Variants in MAGI2 observed in about 807,000 individuals in gnomAD.
MAGI2 encodes membrane associated guanylate kinase, WW and PDZ domain containing 2.
Under a neutral mutation model 133.3 loss-of-function variants are expected in MAGI2, and 35 were observed. The observed-to-expected ratio is 0.26, with a 90% confidence interval of 0.20 to 0.35. The LOEUF (loss-of-function observed/expected upper bound fraction) is 0.35. Among genes scored for constraint, MAGI2 ranks in the 10% least tolerant of loss-of-function variants. The pLI is 1.00. For synonymous variants in MAGI2, 729 were observed against 710.6 expected (o/e 1.03, Z -0.41); for missense variants, 1,636 against 1,863.4 (o/e 0.88, Z 2.25).
At chr7:79,008,566 C>T (rs1214927221) in intron 1 of MAGI2, among the ~76,000 whole-genome samples, 1 of 152,048 alleles carries the variant, frequency 6.6e-6, no homozygotes, top group African/African-American at 2.4e-5. Context: ...TATTTTTCCA[C>T]CCAATATAAT....
At chr7:78,226,311 A>G (rs1174709491) in intron 10 of MAGI2, among the ~76,000 whole-genome samples, 2 of 105,286 alleles carry the variant, frequency 1.9e-5, no homozygotes, top group Non-Finnish European at 4.1e-5. Context: ...CAGAAAGTAT[A>G]CAAATGTTTA....
chr7:78,384,895 A>AATTTGCAG (rs1460093747), intron 6 of MAGI2, among the ~76,000 whole-genome samples: 1 of 152,134 alleles, frequency 6.6e-6, no homozygotes, highest in Non-Finnish European at 1.5e-5. Flanking sequence ...TGCTCACTAA[A>AATTTGCAG]ATTTGCAGAT....
At chr7:78,329,393 T>C (rs957570441) in intron 9 of MAGI2, among the ~76,000 whole-genome samples, 1 of 152,218 alleles carries the variant, frequency 6.6e-6, no homozygotes, top group African/African-American at 2.4e-5. Flanking sequence ...AGCTAAGATC[T>C]ATGACTTAGC....
chr7:79,402,893 T>C (rs563324674), intron 1 of MAGI2, among the ~76,000 whole-genome samples: 30 of 152,336 alleles, frequency 2.0e-4, no homozygotes, highest in African/African-American at 6.5e-4. Flanking sequence ...AAGAATGGCT[T>C]GTTCAAACTT....
intron 6 of MAGI2, among the ~76,000 whole-genome samples, chr7:78,426,691 G>A (rs1347409138): frequency 1.3e-5 from 2 of 152,074 alleles, no homozygotes; most frequent in Non-Finnish European, 2.9e-5. Context: ...TACCACATAT[G>A]TAATTGAAAT....
Position 78,657,347 on chromosome 7 carries a change from C to T in MAGI2, c.419-30108G>A, listed in dbSNP as rs1812414167. On this transcript the variant is annotated intron_variant, in intron 2 of 21. Coordinates refer to ENST00000354212, the MANE Select transcript of MAGI2 (RefSeq NM_012301.4). ...GATATTTATCCAAAGGAGCTGAAAACATGTCCACACAAAAACCTGCATGTG... is the reference window on the plus strand; with the variant it reads ...GATATTTATCCAAAGGAGCTGAAAATATGTCCACACAAAAACCTGCATGTG... Among the ~76,000 whole-genome samples the T allele has an allele frequency of 2.0e-5, 3 of 152,166 alleles. No homozygotes were observed. The South Asian group carries it at 6.2e-4, about 32-fold the overall frequency.
At chr7:79,368,424 T>C (rs1842857935) in intron 1 of MAGI2, among the ~76,000 whole-genome samples, 2 of 152,110 alleles carry the variant, frequency 1.3e-5, no homozygotes, top group East Asian at 1.9e-4. Flanking sequence ...AATCAAGTCC[T>C]TTGCAACATG....
At position 78,312,017 on chromosome 7, in the gene MAGI2, G is replaced by A. The variant is rs10808152; in HGVS notation, c.1408+31761C>T. 1.1e-4 allele frequency among the ~76,000 whole-genome samples: 17 copies of A among 151,870 alleles called. No homozygotes were observed. In the East Asian group the frequency reaches 3.1e-3, roughly 28 times the overall value. ...AATTCCTGACCTCAAGTGATCTGCC[G>A]GCCGGCCTCCCAAAGTGCTGGGATT... On this transcript the variant is annotated intron_variant, in intron 9 of 21. Transcript: ENST00000354212.
intron 3 of MAGI2, among the ~76,000 whole-genome samples, chr7:78,606,195 A>G (rs1229691034): frequency 1.3e-5 from 2 of 152,176 alleles, no homozygotes; most frequent in Non-Finnish European, 2.9e-5. Flanking sequence ...TCATGTGCTC[A>G]GTTGAATTTT....
chr7:78,447,081 T>G (rs1788220594), intron 6 of MAGI2, among the ~76,000 whole-genome samples: 1 of 152,094 alleles, frequency 6.6e-6, no homozygotes, highest in Non-Finnish European at 1.5e-5. Flanking sequence ...AGAGACTATC[T>G]GTATATTCAA....
intron 1 of MAGI2, among the ~76,000 whole-genome samples, chr7:79,345,877 T>C (rs1305005459): frequency 6.6e-6 from 1 of 152,038 alleles, no homozygotes; most frequent in East Asian, 1.9e-4. Context: ...AAATCACCCC[T>C]TATCCATTAT....
At chr7:78,108,712 GTA>G (rs1285081844) in intron 20 of MAGI2, among the ~76,000 whole-genome samples, 1 of 117,016 alleles carries the variant, frequency 8.5e-6, no homozygotes, top group Admixed American at 9.0e-5. Flanking sequence ...ATATGTGAGT[GTA>G]TATATGTGTG....
intron 1 of MAGI2, among the ~76,000 whole-genome samples, chr7:79,389,870 G>A (rs1844470621): frequency 6.6e-6 from 1 of 152,102 alleles, no homozygotes; most frequent in East Asian, 1.9e-4. Flanking sequence ...CAATAGCTTA[G>A]AGAAGTTGAC....
At chr7:78,102,739 T>C (rs1213532963) in intron 20 of MAGI2, among the ~76,000 whole-genome samples, 2 of 152,216 alleles carry the variant, frequency 1.3e-5, no homozygotes, top group African/African-American at 4.8e-5. Flanking sequence ...CCTAACAATA[T>C]TACTTTTTAC....
chr7:78,970,536 CAG>C (rs2115967678), intron 2 of MAGI2, among the ~76,000 whole-genome samples: 1 of 152,076 alleles, frequency 6.6e-6, no homozygotes, highest in African/African-American at 2.4e-5. Context: ...ATAGAGCAAA[CAG>C]AAATTAGCAA....
chr7:78,602,446 C>A (rs1387529782), intron 3 of MAGI2, among the ~76,000 whole-genome samples: 1 of 152,216 alleles, frequency 6.6e-6, no homozygotes, highest in Admixed American at 6.5e-5. Flanking sequence ...AGGCATGAGC[C>A]ACCATACCCG....
At chr7:78,496,404 T>C (rs1218817585) in intron 5 of MAGI2, among the ~76,000 whole-genome samples, 2 of 152,164 alleles carry the variant, frequency 1.3e-5, no homozygotes, top group Non-Finnish European at 1.5e-5. Context: ...AGCAGTCTCT[T>C]TTGTGTCACT....
At chr7:78,779,549 T>C (rs1245627446) in intron 2 of MAGI2, among the ~76,000 whole-genome samples, 1 of 152,144 alleles carries the variant, frequency 6.6e-6, no homozygotes, top group Non-Finnish European at 1.5e-5. Flanking sequence ...TACCACAGAA[T>C]AGTTGAGAAA....
intron 13 of MAGI2, among the ~76,000 whole-genome samples, chr7:78,183,141 T>G (rs1015738200): frequency 6.6e-6 from 1 of 152,182 alleles, no homozygotes; most frequent in Non-Finnish European, 1.5e-5. Flanking sequence ...GTAAAGTTAA[T>G]AATATACCTT....
Sources: allele counts gnomAD v4.1 joint callset (sites outside exome capture counted in the v4.1 genomes callset), GRCh38; gene constraint gnomAD v4.1.1; transcripts MANE v1.5; gene names NCBI Gene and HGNC (gene_info 2026-07-23, HGNC 2026-07-21).